Variants in SLC15A5 observed in about 807,000 individuals in gnomAD.
SLC15A5 encodes Peptide/histidine transporter ENSP00000340402.
Under a neutral mutation model 56.1 loss-of-function variants are expected in SLC15A5, and 58 were observed. The observed-to-expected ratio is 1.03, with a 90% CI of 0.84 to 1.29. The LOEUF (loss-of-function observed/expected upper bound fraction) is 1.29. Ranked by LOEUF, SLC15A5 falls within the 50% of genes most tolerant of loss-of-function variation. SLC15A5 has a pLI of 0.00. For synonymous variants in SLC15A5, 264 were observed against 250.5 expected (o/e 1.05, Z -0.51); for missense variants, 681 against 672.1 (o/e 1.01, Z -0.15).
At chr12:16,273,484 C>T (rs1031532339) in intron 1 of SLC15A5, among the ~76,000 whole-genome samples, 8 of 152,072 alleles carry the variant, frequency 5.3e-5, no homozygotes, top group African/African-American at 1.9e-4. Flanking sequence ...CACTTGATGA[C>T]TTTCCTTGTC....
chr12:16,274,537 T>C (rs1864797171), intron 1 of SLC15A5, among the ~76,000 whole-genome samples: 1 of 152,156 alleles, frequency 6.6e-6, no homozygotes, highest in Admixed American at 6.6e-5. Flanking sequence ...GCTTTCACAA[T>C]GTAAAGACTA....
At chr12:16,212,701 C>A (rs2136244749) in intron 7 of SLC15A5, among the ~76,000 whole-genome samples, 1 of 152,110 alleles carries the variant, frequency 6.6e-6, no homozygotes, top group Admixed American at 6.6e-5. Flanking sequence ...TGGTCCTGTC[C>A]AATTCAAAAA....
At position 16,277,576 on chromosome 12, in the gene SLC15A5, A is replaced by G; in HGVS notation, c.110T>C (p.Val37Ala). The change falls in exon 1 of 9, where the codon GTG becomes GCG. Residue 37 changes from valine (V) to alanine (A), a missense_variant. Transcript: ENST00000344941. ...HIGDLCSSHS[V>A]KKIQVGICLL... ...GCAGATTCCAACCTGAATTTTTTTC[A>G]CAGAGTGTGAGGAACACAAATCGCC... 2.6e-6 allele frequency: 4 copies of G among 1,536,450 alleles called. No homozygotes were observed. The highest frequency in any genetic ancestry group is 1.2e-5 in the South Asian group (1 of 84,038).
In SLC15A5 at chr12:16,237,092, T is replaced by C. The variant is rs538859379; in HGVS notation, c.1162+2589A>G. Among the ~76,000 whole-genome samples the C allele has an allele frequency of 6.6e-6, 1 of 152,294 alleles. No homozygotes were observed. The highest frequency in any genetic ancestry group is 2.4e-5 in the African/African-American group (1 of 41,560). ...TATGTTCATTCATAATTCATATACC[T>C]ATATACTTCACCCACATTTTCAGGC... On this transcript the variant is annotated intron_variant, in intron 5 of 8. Coordinates refer to ENST00000344941, the MANE Select transcript of SLC15A5 (RefSeq NM_001170798.1). This position sits in a 1 kb window ranked among gnomAD's most constrained non-coding sequence, Gnocchi z 4.1.
At chr12:16,221,646 CAG>C (rs1255890033) in intron 6 of SLC15A5, among the ~76,000 whole-genome samples, 1 of 152,116 alleles carries the variant, frequency 6.6e-6, no homozygotes, top group Non-Finnish European at 1.5e-5. Flanking sequence ...GAATTTCAAT[CAG>C]GGGAATGATA....
At chr12:16,213,351 A>G (rs1027676054) in intron 7 of SLC15A5, among the ~76,000 whole-genome samples, 2 of 152,192 alleles carry the variant, frequency 1.3e-5, no homozygotes, top group African/African-American at 4.8e-5. Flanking sequence ...CTGAGAACAC[A>G]TAGCTAGACT....
chr12:16,227,751 T>C (rs1360999580), intron 5 of SLC15A5, among the ~76,000 whole-genome samples: 3 of 152,262 alleles, frequency 2.0e-5, no homozygotes, highest in East Asian at 3.9e-4. Context: ...AATAGAATCA[T>C]TGAAGATTTT....
chr12:16,270,973 A>G (rs540733198), intron 2 of SLC15A5, among the ~76,000 whole-genome samples: 3 of 152,192 alleles, frequency 2.0e-5, no homozygotes, highest in Non-Finnish European at 2.9e-5. Flanking sequence ...TAACAGCCTG[A>G]TTCTTTATAC....
chr12:16,245,742 C>T (rs1864455138), intron 3 of SLC15A5, among the ~76,000 whole-genome samples: 1 of 152,134 alleles, frequency 6.6e-6, no homozygotes, highest in Admixed American at 6.5e-5. Flanking sequence ...GTTTGTGTTT[C>T]TCCAAAGAAG....
At position 16,271,191 on chromosome 12, in the gene SLC15A5, T is replaced by G. The variant is rs973890614; in HGVS notation, c.584+1370A>C. Among the ~76,000 whole-genome samples, 1 of 152,244 alleles carries G rather than the reference T, an allele frequency of 6.6e-6. No homozygotes were observed. Among genetic ancestry groups the G allele is most frequent in the South Asian group, 2.1e-4 (1 of 4,818 alleles). Reference sequence around the variant, plus strand: ...TCCCCTCTGTTTCCCAAAGGAAATATTTCATTCATATAATGTCTCCTTTGT... The same window carrying G: ...TCCCCTCTGTTTCCCAAAGGAAATAGTTCATTCATATAATGTCTCCTTTGT... On this transcript the variant is annotated intron_variant, in intron 2 of 8. Coordinates refer to ENST00000344941, the MANE Select transcript of SLC15A5 (RefSeq NM_001170798.1). The surrounding 1 kb of genome is among the most constrained non-coding windows in gnomAD (Gnocchi z 8.0).
In SLC15A5 at chr12:16,210,494, G is replaced by A. The variant is rs564161177; in HGVS notation, c.1483+6399C>T. 3.7e-4 allele frequency among the ~76,000 whole-genome samples: 56 copies of A among 152,270 alleles called. 1 individual carries two copies. The highest frequency in any genetic ancestry group is 7.8e-4 in the Admixed American group (12 of 15,300). On this transcript the variant is annotated intron_variant, in intron 7 of 8. Transcript: ENST00000344941. ...TCTAGTCCACCTGGAAGATGTTGAG[G>A]TCCCACTCAAATTAAGATAACAACA...
chr12:16,274,577 T>C (rs1864797599), intron 1 of SLC15A5, among the ~76,000 whole-genome samples: 1 of 152,104 alleles, frequency 6.6e-6, no homozygotes, highest in South Asian at 2.1e-4. Context: ...TGGCAACAGA[T>C]TCATTTACCA....
At chr12:16,268,621 GTTGAATT>G in intron 2 of SLC15A5, among the ~76,000 whole-genome samples, 1 of 152,182 alleles carries the variant, frequency 6.6e-6, no homozygotes, top group Middle Eastern at 3.4e-3. Flanking sequence ...TCAGAATTAT[GTTGAATT>G]TCTCAATCAG....
chr12:16,235,420 C>G lies in SLC15A5; in HGVS notation c.1162+4261G>C, dbSNP rs1370413211. ...CCCAGCTTCAGTTTATGTTTTATTT[C>G]TGAATGTAGAACAGGTAGTCATTTA... On this transcript the variant is annotated intron_variant, in intron 5 of 8. Transcript: ENST00000344941. This position sits in a 1 kb window ranked among gnomAD's most constrained non-coding sequence, Gnocchi z 4.1. Among the ~76,000 whole-genome samples the G allele has an allele frequency of 6.6e-6, 1 of 151,572 alleles. No individual in the cohort carries two copies. The highest frequency in any genetic ancestry group is 1.5e-5 in the Non-Finnish European group (1 of 67,868).
chr12:16,226,231 T>C (rs928268479), intron 5 of SLC15A5, among the ~76,000 whole-genome samples: 123 of 152,332 alleles, frequency 8.1e-4, no homozygotes, highest in African/African-American at 2.9e-3. Flanking sequence ...AAATAGTATG[T>C]AAACAGTTGT....
chr12:16,234,844 T>C (rs1354815457), intron 5 of SLC15A5, among the ~76,000 whole-genome samples: 1 of 152,192 alleles, frequency 6.6e-6, no homozygotes, highest in East Asian at 1.9e-4. Context: ...AAAGTGGGCA[T>C]GTTAAGATTC....
chr12:16,249,490 C>T (rs1417207965), intron 3 of SLC15A5, among the ~76,000 whole-genome samples: 1 of 151,996 alleles, frequency 6.6e-6, no homozygotes, highest in Non-Finnish European at 1.5e-5. Flanking sequence ...TTTATAGAGC[C>T]TTGTGTAAAG....
chr12:16,261,780 G>T (rs1340447170), intron 2 of SLC15A5, among the ~76,000 whole-genome samples: 2 of 152,138 alleles, frequency 1.3e-5, no homozygotes, highest in East Asian at 3.9e-4. Flanking sequence ...GTTTTATTTT[G>T]CATTTCCCTA....
At chr12:16,193,815 G>C (rs1863864332) in intron 8 of SLC15A5, among the ~76,000 whole-genome samples, 1 of 144,266 alleles carries the variant, frequency 6.9e-6, no homozygotes, top group Non-Finnish European at 1.5e-5. Flanking sequence ...GAGAGAGAGA[G>C]AGAGAGAGAG....
Sources: gnomAD v4.1 joint callset for allele counts (sites outside exome capture counted in the v4.1 genomes callset) on GRCh38, gnomAD v4.1.1 for gene constraint, Gnocchi (gnomAD v3.1) non-coding constraint, MANE v1.5 for transcripts, NCBI Gene and HGNC (gene_info 2026-07-23, HGNC 2026-07-21) for gene names.